The following MLLT1 variants were observed in gnomAD, a reference collection of about 807,000 sequenced individuals.
MLLT1 encodes the protein MLLT1 super elongation complex subunit, also known as protein ENL.
Under a neutral mutation model 55.1 loss-of-function variants are expected in MLLT1, and 11 were observed. That is an observed-to-expected ratio of 0.20 (90% CI 0.13 to 0.33). The LOEUF (loss-of-function observed/expected upper bound fraction) is 0.33, where lower values mean the gene tolerates loss of function less well. Ranked by LOEUF, MLLT1 falls within the 10% of genes least tolerant of loss-of-function variation. MLLT1 has a pLI of 1.00. For missense variants in MLLT1, 536 were observed against 760.6 expected (o/e 0.70, Z 3.47); for synonymous variants, 323 against 320.1 (o/e 1.01, Z -0.10).
rs1358549073 is a variant in MLLT1 at position 6,219,497 on chromosome 19, C to G, written c.1111-1456G>C. 6.6e-6 allele frequency among the ~76,000 whole-genome samples: 1 copy of G among 152,182 alleles called. No individual in the cohort carries two copies. Among genetic ancestry groups the G allele is most frequent in the East Asian group, 1.9e-4 (1 of 5,188 alleles). Reference sequence around the variant, plus strand: ...GAGTAAGAGGTGACCGAGAGATGGCCTATTTAACCCCAGCCTTCTAACCAG... The same window carrying G: ...GAGTAAGAGGTGACCGAGAGATGGCGTATTTAACCCCAGCCTTCTAACCAG... On this transcript the variant is annotated intron_variant, in intron 6 of 11. Coordinates refer to ENST00000252674, the MANE Select transcript of MLLT1 (RefSeq NM_005934.4). This position sits in a 1 kb window ranked among gnomAD's most constrained non-coding sequence, Gnocchi z 4.5.
chr19:6,240,388 C>T lies in MLLT1; in HGVS notation c.277-9675G>A, dbSNP rs920202257. The stretch of plus-strand genomic sequence containing the variant: ...ACTCCACTGTGGAGCACGCTGCCGC[C>T]ACTGGAAGGAGCTCGACAGACACAG... On this transcript the variant is annotated intron_variant, in intron 3 of 11. Transcript: ENST00000252674. The surrounding 1 kb of genome is among the most constrained non-coding windows in gnomAD (Gnocchi z 4.7). Among the ~76,000 whole-genome samples, 4 of 152,248 alleles carry T rather than the reference C, an allele frequency of 2.6e-5. No homozygotes were observed. The highest frequency in any genetic ancestry group is 5.9e-5 in the Non-Finnish European group (4 of 68,044).
Position 6,270,191 on chromosome 19 carries a change from C to T in MLLT1, c.193+388G>A, listed in dbSNP as rs914550051. Among the ~76,000 whole-genome samples the T allele has an allele frequency of 2.7e-5, 4 of 150,098 alleles. No individual in the cohort carries two copies. Among genetic ancestry groups the T allele is most frequent in the African/African-American group, 9.8e-5 (4 of 40,760 alleles). On this transcript the variant is annotated intron_variant, in intron 2 of 11. Transcript: ENST00000252674. The surrounding 1 kb of genome is among the most constrained non-coding windows in gnomAD (Gnocchi z 7.1). ...GAAAAGACAGTGGTGACATGAGCTC[C>T]GGCATTCTTTCTGCCCCAAATATTG...
chr19:6,266,342 T>C (rs1568296817), intron 2 of MLLT1, among the ~76,000 whole-genome samples: 1 of 151,696 alleles, frequency 6.6e-6, no homozygotes, highest in Admixed American at 6.6e-5. Context: ...TGACCTGTAA[T>C]TCCCAAACCA....
chr19:6,275,713 C>A (rs1480816353), intron 1 of MLLT1, among the ~76,000 whole-genome samples: 1 of 152,178 alleles, frequency 6.6e-6, no homozygotes, highest in Non-Finnish European at 1.5e-5. Context: ...CCCTCTGACC[C>A]AAGGCACAAT....
At chr19:6,225,036 C>T (rs1338128367) in intron 5 of MLLT1, among the ~76,000 whole-genome samples, 1 of 152,202 alleles carries the variant, frequency 6.6e-6, no homozygotes, top group African/African-American at 2.4e-5. Context: ...ATCAAAATCA[C>T]GTTTGCAAGG....
intron 8 of MLLT1, among the ~76,000 whole-genome samples, chr19:6,215,449 C>A (rs1245181735): frequency 1.3e-5 from 2 of 152,186 alleles, no homozygotes; most frequent in Admixed American, 1.3e-4. Flanking sequence ...GAGTCGTGGG[C>A]CCGGACCTCC....
chr19:6,255,394 G>A (rs1463754993), intron 3 of MLLT1, among the ~76,000 whole-genome samples: 1 of 152,202 alleles, frequency 6.6e-6, no homozygotes, highest in Non-Finnish European at 1.5e-5. Context: ...TCGGGAGGCT[G>A]AGGCAGGAGA....
chr19:6,226,609 G>A lies in MLLT1; in HGVS notation c.546+368C>T, dbSNP rs779201690. ...CTGCCCTCAGGAGGGTTGAAGAGGT[G>A]GGTAGCTGCAGCCTAGACAGAGACA... On this transcript the variant is annotated intron_variant, in intron 5 of 11. Transcript: ENST00000252674. This position sits in a 1 kb window ranked among gnomAD's most constrained non-coding sequence, Gnocchi z 6.3. Among the ~76,000 whole-genome samples the A allele has an allele frequency of 3.3e-5, 5 of 152,136 alleles. No individual in the cohort carries two copies. The highest frequency in any genetic ancestry group is 7.3e-5 in the Non-Finnish European group (5 of 68,040).
chr19:6,234,488 G>A (rs2091041654), intron 3 of MLLT1, among the ~76,000 whole-genome samples: 1 of 152,210 alleles, frequency 6.6e-6, no homozygotes, highest in South Asian at 2.1e-4. Flanking sequence ...CTTTCCTACA[G>A]AAGTGACACC....
chr19:6,263,743 C>G (rs945136587), intron 2 of MLLT1, among the ~76,000 whole-genome samples: 1 of 152,184 alleles, frequency 6.6e-6, no homozygotes, highest in African/African-American at 2.4e-5. Context: ...AGCCACCTGC[C>G]AGTTTCTGAA....
Position 6,217,904 on chromosome 19 carries a change from C to T in MLLT1, c.1198+50G>A. The T allele has an allele frequency of 1.9e-6, 3 of 1,555,872 alleles. No individual in the cohort carries two copies. In the East Asian group the frequency reaches 7.0e-5, roughly 36 times the overall value. On this transcript the variant is annotated intron_variant, in intron 7 of 11. Transcript: ENST00000252674. ...AGGAATGCCCATGTGGCCTGAGCTCCAGGCCCTCCCCGGCCCCATCCGTGC... is the reference window on the plus strand; with the variant it reads ...AGGAATGCCCATGTGGCCTGAGCTCTAGGCCCTCCCCGGCCCCATCCGTGC...
At chr19:6,234,135 G>A (rs2091038220) in intron 3 of MLLT1, among the ~76,000 whole-genome samples, 1 of 152,254 alleles carries the variant, frequency 6.6e-6, no homozygotes, top group African/African-American at 2.4e-5. Context: ...AGGGTAAGAG[G>A]TGGACGGGTG....
rs201829142 is a variant in MLLT1 at position 6,222,607 on chromosome 19, G to A, written c.624C>T (p.Asp208=). The A allele has an allele frequency of 3.1e-6, 5 of 1,596,960 alleles. No individual in the cohort carries two copies. Among genetic ancestry groups the A allele is most frequent in the African/African-American group, 1.3e-5 (1 of 74,886 alleles). ...TKEHRERPRK[D]SESKSSSKEL... ...CCTTGGAGGAGCTCTTGCTCTCGGA[G>A]TCTTTGCGGGGCCGCTCCCGGTGCT... Residue 208 remains aspartate, a synonymous_variant, in exon 6 of 12, where the codon GAC becomes GAT. Coordinates refer to ENST00000252674, the MANE Select transcript of MLLT1 (RefSeq NM_005934.4). The surrounding 1 kb of genome is among the most constrained non-coding windows in gnomAD (Gnocchi z 4.1).
In MLLT1 at chr19:6,262,021, G is replaced by A. The variant is rs79784960; in HGVS notation, c.276+207C>T. 9.1e-3 allele frequency among the ~76,000 whole-genome samples: 1,386 copies of A among 152,216 alleles called. 9 individuals are homozygous for A. The highest frequency in any genetic ancestry group is 0.041 in the Middle Eastern group (12 of 294). On this transcript the variant is annotated intron_variant, in intron 3 of 11. Coordinates refer to ENST00000252674, the MANE Select transcript of MLLT1 (RefSeq NM_005934.4). This position sits in a 1 kb window ranked among gnomAD's most constrained non-coding sequence, Gnocchi z 4.4. ...CCTAGAGAAGCAGACCAAGGGACAC[G>A]CCCACCTGCTGTCATGAAACCAGCC... is the stretch of plus-strand genomic sequence containing the variant.
Position 6,222,210 on chromosome 19 carries a change from C to T in MLLT1, c.1021G>A (p.Val341Met). 6 of 1,611,576 alleles carry T rather than the reference C, an allele frequency of 3.7e-6. No individual in the cohort carries two copies. The highest frequency in any genetic ancestry group is 5.1e-6 in the Non-Finnish European group (6 of 1,178,922). Residue 341 changes from valine to methionine, a missense_variant, in exon 6 of 12, where the codon GTG becomes ATG. Coordinates refer to ENST00000252674, the MANE Select transcript of MLLT1 (RefSeq NM_005934.4). The surrounding 1 kb of genome is among the most constrained non-coding windows in gnomAD (Gnocchi z 4.1). ...TCCCGGGGCTCACTCTCGGCCTTCACCTTCTCCCCTCTGGTGCTGCTCTTG... is the reference window on the plus strand; with the variant it reads ...TCCCGGGGCTCACTCTCGGCCTTCATCTTCTCCCCTCTGGTGCTGCTCTTG... ...KDKSSTRGEK[V>M]KAESEPREAK...
intron 3 of MLLT1, among the ~76,000 whole-genome samples, chr19:6,237,113 T>C (rs1022762035): frequency 1.3e-5 from 2 of 152,254 alleles, no homozygotes; most frequent in African/African-American, 4.8e-5. Context: ...CCGCCACGCC[T>C]GCTGGTGCTC....
chr19:6,258,808 C>T (rs1197989680), intron 3 of MLLT1, among the ~76,000 whole-genome samples: 1 of 152,230 alleles, frequency 6.6e-6, no homozygotes, highest in Non-Finnish European at 1.5e-5. Context: ...TTTTTCATCG[C>T]AGGACCCTCA....
intron 3 of MLLT1, among the ~76,000 whole-genome samples, chr19:6,238,530 T>C (rs1352456287): frequency 6.6e-6 from 1 of 152,238 alleles, no homozygotes; most frequent in African/African-American, 2.4e-5. Context: ...TCTCTGCTTC[T>C]GTGTATGCTT....
chr19:6,252,951 A>T (rs1164495593), intron 3 of MLLT1, among the ~76,000 whole-genome samples: 4 of 152,140 alleles, frequency 2.6e-5, no homozygotes, highest in Non-Finnish European at 5.9e-5. Context: ...TAACCTTAGA[A>T]GCAAATTACT....
Sources: gnomAD v4.1 joint callset for allele counts (sites outside exome capture counted in the v4.1 genomes callset) on GRCh38, gnomAD v4.1.1 for gene constraint, Gnocchi (gnomAD v3.1) non-coding constraint, MANE v1.5 for transcripts, NCBI Gene and HGNC (gene_info 2026-07-23, HGNC 2026-07-21) for gene names.